The following REXO1 variants were observed in gnomAD, a reference collection of about 807,000 sequenced individuals.
REXO1 encodes REX1, RNA exonuclease 1 homolog.
In REXO1, 42 loss-of-function variants were observed where a neutral mutation model predicts 102.6. The ratio of observed to expected loss-of-function variants is 0.41; its 90% CI spans 0.32 to 0.53. The LOEUF (loss-of-function observed/expected upper bound fraction) is 0.53. Ranked by LOEUF, REXO1 falls within the 20% of genes least tolerant of loss-of-function variation. The pLI is 0.27. For synonymous variants in REXO1, 908 were observed against 779.1 expected, an observed-to-expected ratio of 1.17 and a Z score of -2.76; for missense variants, 1,819 against 1,732.5, an observed-to-expected ratio of 1.05 and a Z score of -0.89.
intron 1 of REXO1, among the ~76,000 whole-genome samples, chr19:1,837,699 G>A (rs1055408137): frequency 6.6e-6 from 1 of 152,090 alleles, no homozygotes; most frequent in Non-Finnish European, 1.5e-5. Flanking sequence ...GGTTCTCCTC[G>A]ACCCCCAGGG....
intron 1 of REXO1, among the ~76,000 whole-genome samples, chr19:1,846,354 G>C (rs936347470): frequency 1.3e-5 from 2 of 152,198 alleles, no homozygotes; most frequent in African/African-American, 4.8e-5. Context: ...CCTGCCTTCT[G>C]CGGGGGGAGG....
chr19:1,832,019 G>T (rs2145300082), intron 1 of REXO1, among the ~76,000 whole-genome samples: 1 of 152,044 alleles, frequency 6.6e-6, no homozygotes, highest in South Asian at 2.1e-4. Flanking sequence ...CCAATAGACT[G>T]CAGGTGCGAC....
In REXO1 at chr19:1,848,219, T is replaced by C. The variant is rs2145351843; in HGVS notation, c.140A>G (p.Glu47Gly). Reference protein sequence around the residue: ...RGSGAPGDGGEAPPAAGLGYD... With the variant: ...RGSGAPGDGGGAPPAAGLGYD... The stretch of plus-strand genomic sequence containing the variant: ...GGCATTACCTGCTGCGGGGGGCGCC[T>C]CTCCGCCGTCACCGGGCGCGCCGGA... The change falls in exon 1 of 16, where the codon GAG becomes GGG. Residue 47 changes from glutamate (E) to glycine (G), a missense_variant. By Grantham distance (98) the Glu-to-Gly change is moderately conservative. Transcript: ENST00000170168. The C allele has an allele frequency of 8.2e-7, 1 of 1,223,472 alleles. No individual in the cohort carries two copies. The highest frequency in any genetic ancestry group is 1.0e-6 in the Non-Finnish European group (1 of 979,950). 75.8% of individuals were successfully genotyped at this position (1,223,472 alleles called of 1,614,324 possible).
intron 1 of REXO1, among the ~76,000 whole-genome samples, chr19:1,832,117 G>A (rs1220626709): frequency 1.3e-5 from 2 of 152,204 alleles, no homozygotes; most frequent in East Asian, 1.9e-4. Flanking sequence ...AGGGAGGCAG[G>A]AGGGTGAGAG....
At chr19:1,846,016 A>T (rs1425520226) in intron 1 of REXO1, among the ~76,000 whole-genome samples, 1 of 152,210 alleles carries the variant, frequency 6.6e-6, no homozygotes, top group African/African-American at 2.4e-5. Context: ...CGTGTCCAGC[A>T]CAGAGCATGG....
In REXO1 at chr19:1,817,727, C is replaced by A. The variant is rs755723904; in HGVS notation, c.3070G>T (p.Val1024Phe). 1.9e-6 allele frequency: 3 copies of A among 1,612,278 alleles called. No homozygotes were observed. Among genetic ancestry groups the A allele is most frequent in the African/African-American group, 2.7e-5 (2 of 74,938 alleles). The stretch of plus-strand genomic sequence containing the variant: ...CTCACCTTTGCGACTTGGCAGCCGA[C>A]AGAGCCGGCGGCAGCCGAGCAGCAC... ...YMCCSAAAGS[V>F]GCQVAKQHVQ... The change falls in exon 11 of 16, where the codon GTC (valine) becomes TTC (phenylalanine). Residue 1024 changes from valine to phenylalanine, a missense_variant. Val to Phe is a conservative substitution (Grantham distance 50). Transcript: ENST00000170168.
chr19:1,833,660 C>T (rs1380342583), intron 1 of REXO1, among the ~76,000 whole-genome samples: 1 of 152,204 alleles, frequency 6.6e-6, no homozygotes, highest in Non-Finnish European at 1.5e-5. Flanking sequence ...GGCGCCCTCC[C>T]GGCCCACTTC....
intron 1 of REXO1, 141 bp downstream of exon 1, chr19:1,848,061 G>A (rs1236647979): frequency 1.5e-5 from 6 of 405,364 alleles, no homozygotes; most frequent in Admixed American, 1.4e-4. Flanking sequence ...GGGTGGTTCC[G>A]GTCCCGACTG....
At chr19:1,824,849 G>A (rs1047969097) in intron 3 of REXO1, among the ~76,000 whole-genome samples, 16 of 152,158 alleles carry the variant, frequency 1.1e-4, no homozygotes, top group Middle Eastern at 3.4e-3. Flanking sequence ...GCAATGGCAC[G>A]ATCTTGGCTC....
At chr19:1,824,942 C>T (rs1367135147) in intron 3 of REXO1, among the ~76,000 whole-genome samples, 5 of 151,960 alleles carry the variant, frequency 3.3e-5, no homozygotes, top group African/African-American at 7.2e-5. Context: ...CGTGCCACCG[C>T]GCCCAGCTAA....
rs767700675 is a variant in REXO1, at chr19:1,827,244, G to C, written c.1545C>G (p.Ala515=). ...SQDAPKLKKR[A]LSHADLFGDE... The stretch of plus-strand genomic sequence containing the variant: ...CCCCAAAGAGGTCGGCGTGGCTCAG[G>C]GCCCGCTTCTTCAGCTTGGGGGCGT... Residue 515 remains alanine, a synonymous_variant, in exon 2 of 16, where the codon GCC becomes GCG. Coordinates refer to ENST00000170168, the MANE Select transcript of REXO1 (RefSeq NM_020695.4). The C allele has an allele frequency of 9.7e-6, 15 of 1,553,402 alleles. No homozygotes were observed. The highest frequency in any genetic ancestry group is 1.3e-5 in the Non-Finnish European group (15 of 1,155,328).
At chr19:1,819,643 C>G (rs2069473901) in intron 7 of REXO1, among the ~76,000 whole-genome samples, 1 of 152,210 alleles carries the variant, frequency 6.6e-6, no homozygotes, top group Non-Finnish European at 1.5e-5. Context: ...AGCCCTGGGC[C>G]TCCTGCTTTG....
chr19:1,839,148 C>G (rs1411754804), intron 1 of REXO1, among the ~76,000 whole-genome samples: 1 of 151,444 alleles, frequency 6.6e-6, no homozygotes, highest in African/African-American at 2.4e-5. Flanking sequence ...CCCAGCTACT[C>G]GGGAGGCTGA....
At chr19:1,844,694 G>A (rs1411087418) in intron 1 of REXO1, among the ~76,000 whole-genome samples, 1 of 152,236 alleles carries the variant, frequency 6.6e-6, no homozygotes, top group Non-Finnish European at 1.5e-5. Context: ...GCACCGGGCT[G>A]CCAGATCCTG....
At chr19:1,832,914 C>CAA (rs71174388) in intron 1 of REXO1, among the ~76,000 whole-genome samples, 131 of 75,748 alleles carry the variant, frequency 1.7e-3, no homozygotes, top group Admixed American at 2.9e-3. Context: ...GACTCTGTCT[C>CAA]AAAAAAAAAA....
chr19:1,822,481 G>A (rs2069575776), intron 4 of REXO1: 1 of 152,076 alleles, frequency 6.6e-6, no homozygotes, highest in Admixed American at 6.5e-5. Flanking sequence ...GGCAGCCACA[G>A]GAGTCCTCCA....
intron 1 of REXO1, among the ~76,000 whole-genome samples, chr19:1,832,125 G>A (rs1207892116): frequency 6.6e-6 from 1 of 152,124 alleles, no homozygotes; most frequent in Non-Finnish European, 1.5e-5. Context: ...AGGAGGGTGA[G>A]AGTCAGAGAG....
In REXO1 at chr19:1,819,801, C is replaced by G. The variant is rs147291980; in HGVS notation, c.2650+133G>C. Reference sequence around the variant, plus strand: ...GGAACCAGGCAGCAGGCAGCCCCCCCACAGCACCGCGCTTTCCTTTTGTCT... The same window carrying G: ...GGAACCAGGCAGCAGGCAGCCCCCCGACAGCACCGCGCTTTCCTTTTGTCT... On this transcript the variant is annotated intron_variant, in intron 7 of 15. Coordinates refer to ENST00000170168, the MANE Select transcript of REXO1 (RefSeq NM_020695.4). 763 of 1,001,538 alleles carry G rather than the reference C, an allele frequency of 7.6e-4. 2 individuals are homozygous for G. In the African/African-American group the frequency reaches 9.0e-3, roughly 12 times the overall value. 62.0% of individuals were successfully genotyped at this position (1,001,538 alleles called of 1,614,324 possible). A position where few individuals can be genotyped will look rare whatever the true frequency, so the allele number is the denominator to read the frequency against.
At position 1,815,921 on chromosome 19, in the gene REXO1, T is replaced by C; in HGVS notation, c.*145A>G. ...AGCGGGGGTGGGCTGGGCTGGGCGTTCTCTGGCCGCCAGCTCATCCCGCTG... is the reference window on the plus strand; with the variant it reads ...AGCGGGGGTGGGCTGGGCTGGGCGTCCTCTGGCCGCCAGCTCATCCCGCTG... On this transcript the variant is annotated 3_prime_UTR_variant, in exon 16 of 16. Transcript: ENST00000170168. This position sits in a 1 kb window ranked among gnomAD's most constrained non-coding sequence, Gnocchi z 4.0. 2 of 1,534,398 alleles carry C rather than the reference T, an allele frequency of 1.3e-6. No homozygotes were observed. The highest frequency in any genetic ancestry group is 1.7e-6 in the Non-Finnish European group (2 of 1,146,324).
Sources: gnomAD v4.1 joint callset for allele counts (sites outside exome capture counted in the v4.1 genomes callset) on GRCh38, gnomAD v4.1.1 for gene constraint, Gnocchi (gnomAD v3.1) non-coding constraint, MANE v1.5 for transcripts, NCBI Gene and HGNC (gene_info 2026-07-23, HGNC 2026-07-21) for gene names.